Variants in THNSL1 observed in about 807,000 individuals in gnomAD.
THNSL1 encodes the protein threonine synthase like 1.
In THNSL1, 48 loss-of-function variants were observed where a neutral mutation model predicts 50.4. The observed-to-expected ratio is 0.95, with a 90% CI of 0.76 to 1.21. The LOEUF (loss-of-function observed/expected upper bound fraction) is 1.21, where lower values mean the gene tolerates loss of function less well. Ranked by LOEUF, THNSL1 falls within the 50% of genes most tolerant of loss-of-function variation. The probability of loss-of-function intolerance (pLI) is 0.00; values close to 1 mark genes in which losing one functional copy is unlikely to be tolerated. For synonymous variants in THNSL1, 309 were observed against 306.1 expected (o/e 1.01, Z -0.10); for missense variants, 896 against 871.7 (o/e 1.03, Z -0.35).
chr10:25,017,150 G>A (rs1257677877), intron 1 of THNSL1, among the ~76,000 whole-genome samples: 2 of 152,236 alleles, frequency 1.3e-5, no homozygotes, highest in Non-Finnish European at 1.5e-5. Context: ...CTTTGTAAAT[G>A]AGCAGCCTAA....
At chr10:25,015,797 C>T (rs1268490667), upstream of THNSL1, 15 of 1,415,214 alleles carry the variant, frequency 1.1e-5, no homozygotes, top group Non-Finnish European at 1.3e-5. Context: ...TATATGTATG[C>T]TTAATTAATA....
In THNSL1 at chr10:25,025,335, G is replaced by A; in HGVS notation, c.2112G>A (p.Leu704=). 6.2e-7 allele frequency: 1 copy of A among 1,614,162 alleles called. No individual in the cohort carries two copies. The highest frequency in any genetic ancestry group is 8.5e-7 in the Non-Finnish European group (1 of 1,180,030). ...GTTCATACAATGCATTACCTCCACT[G>A]CATGAGGCTTTATTAGAGAGAACAA... ...LLGSYNALPP[L]HEALLERTKQ... The change falls in exon 3 of 3, where the codon CTG becomes CTA. Residue 704 remains leucine, a synonymous_variant. Transcript: ENST00000376356.
upstream of THNSL1, among the ~76,000 whole-genome samples, chr10:25,014,120 C>T (rs189806016): frequency 1.3e-5 from 2 of 152,168 alleles, no homozygotes; most frequent in East Asian, 3.9e-4. Flanking sequence ...GCCTTTCATC[C>T]GATTTTGGTC....
chr10:25,025,147 C>T lies in THNSL1; in HGVS notation c.1924C>T (p.His642Tyr). ...YNTSGYILDPHTAVAKVVADR... is the reference protein window; with the variant it reads ...YNTSGYILDPYTAVAKVVADR... ...TACTTCAGGGTATATTTTGGATCCACACACTGCTGTTGCAAAAGTGGTTGC... is the reference window on the plus strand; with the variant it reads ...TACTTCAGGGTATATTTTGGATCCATACACTGCTGTTGCAAAAGTGGTTGC... Residue 642 changes from histidine (H) to tyrosine (Y), a missense_variant, in exon 3 of 3, where the codon CAC (histidine) becomes TAC (tyrosine). Physicochemically the swap from His to Tyr is moderately conservative, Grantham distance 83. Coordinates refer to ENST00000376356, the MANE Select transcript of THNSL1 (RefSeq NM_024838.5). 1 of 1,614,196 alleles carries T rather than the reference C, an allele frequency of 6.2e-7. No homozygotes were observed. The highest frequency in any genetic ancestry group is 1.1e-5 in the South Asian group (1 of 91,084).
intron 1 of THNSL1, chr10:25,016,935 C>T (rs77711037): frequency 0.03 from 4,595 of 152,582 alleles, 94 homozygotes; most frequent in Non-Finnish European, 0.045. Context: ...CTGGTCGAGG[C>T]TCCTCGGAAC....
In THNSL1 at chr10:25,025,499, TAATA is replaced by T. The variant is rs1005868612; in HGVS notation, c.*48_*51del. On this transcript the variant is annotated 3_prime_UTR_variant, in exon 3 of 3. Coordinates refer to ENST00000376356, the MANE Select transcript of THNSL1 (RefSeq NM_024838.5). ...TTTTTTTCTAGCTATAAGCATGCAATAATAAATCTCAAACACTGATTTGGAGTAC... is the reference window on the plus strand; with the variant it reads ...TTTTTTTCTAGCTATAAGCATGCAATAATCTCAAACACTGATTTGGAGTAC... 13 of 1,531,048 alleles carry T rather than the reference TAATA, an allele frequency of 8.5e-6. No homozygotes were observed. Among genetic ancestry groups the T allele is most frequent in the Admixed American group, 2.1e-5 (1 of 48,184 alleles). The allele number at this position is 1,531,048 out of a possible 1,614,324, so 94.8% of individuals were successfully genotyped here.
In THNSL1 at chr10:25,017,636, G is replaced by A. The variant is rs1030945133; in HGVS notation, c.-216+944G>A. On this transcript the variant is annotated intron_variant, in intron 1 of 2. Coordinates refer to ENST00000376356, the MANE Select transcript of THNSL1 (RefSeq NM_024838.5). Reference sequence around the variant, plus strand: ...TTAAGTTTTTCTTTTTTTTTTTTTTGTATACAGTTGATTTTAATTTTTGTC... The same window carrying A: ...TTAAGTTTTTCTTTTTTTTTTTTTTATATACAGTTGATTTTAATTTTTGTC... 3.3e-5 allele frequency among the ~76,000 whole-genome samples: 3 copies of A among 90,494 alleles called. No homozygotes were observed. In the East Asian group the frequency reaches 9.3e-4, roughly 28 times the overall value. 59.4% of individuals were successfully genotyped at this position (90,494 alleles called of 152,430 possible). A position where few individuals can be genotyped will look rare whatever the true frequency, so the allele number is the denominator to read the frequency against.
At chr10:24,953,883 C>T in the THNSL1 span, among the ~76,000 whole-genome samples, 3 of 152,320 alleles carry the variant, frequency 2.0e-5, no homozygotes, top group South Asian at 6.2e-4. Flanking sequence ...GCAGGGCTGG[C>T]TCTTCATGTC....
the THNSL1 span, among the ~76,000 whole-genome samples, chr10:24,993,621 A>G: frequency 4.6e-5 from 7 of 152,252 alleles, no homozygotes; most frequent in East Asian, 9.6e-4. Context: ...TCACCTACCA[A>G]TGATAGATCT....
the THNSL1 span, among the ~76,000 whole-genome samples, chr10:24,991,618 C>A: frequency 2.0e-4 from 30 of 152,172 alleles, no homozygotes; most frequent in Non-Finnish European, 4.1e-4. Context: ...AGCTGCCCGG[C>A]TCCAGGGAAA....
intron 2 of THNSL1, 107 bp downstream of exon 2, chr10:25,022,015 A>G (rs1460819060): frequency 6.6e-6 from 1 of 152,204 alleles, no homozygotes; most frequent in African/African-American, 2.4e-5. Flanking sequence ...TTTTCAGAAC[A>G]TATTTTAACA....
the THNSL1 span, among the ~76,000 whole-genome samples, chr10:24,962,196 G>A: frequency 3.4e-4 from 51 of 152,236 alleles, no homozygotes; most frequent in East Asian, 6.6e-3. Context: ...TATGTCTTGC[G>A]TTATCAACTC....
In THNSL1 at chr10:25,023,777, TA is replaced by T. The variant is rs1233958148; in HGVS notation, c.555del (p.Leu185PhefsTer28). 7 of 1,613,924 alleles carry T rather than the reference TA, an allele frequency of 4.3e-6. No individual in the cohort carries two copies. The highest frequency in any genetic ancestry group is 5.1e-6 in the Non-Finnish European group (6 of 1,179,988). The stretch of plus-strand genomic sequence containing the variant: ...AATTCTGGAACATCTATGAAAGACT[TA>T]CTTAAATTTAGAAGACAGTATTATA... ...GQNSGTSMKD[L>X]LKFRRQYYKK... is the part of the protein sequence containing the mutation. On this transcript the variant is annotated frameshift_variant, in exon 3 of 3. Coordinates refer to ENST00000376356, the MANE Select transcript of THNSL1 (RefSeq NM_024838.5). LOFTEE classifies it high-confidence loss of function.
chr10:25,013,701 G>GGGA (rs1455129333), upstream of THNSL1, among the ~76,000 whole-genome samples: 1 of 152,212 alleles, frequency 6.6e-6, no homozygotes, highest in Non-Finnish European at 1.5e-5. Context: ...ATAGCACTTT[G>GGGA]GGAGGCAGAG....
At chr10:25,019,652 A>T (rs1850678593) in intron 1 of THNSL1, among the ~76,000 whole-genome samples, 1 of 152,234 alleles carries the variant, frequency 6.6e-6, no homozygotes. Context: ...ACCATTTTAT[A>T]TAAAGGACTT....
At chr10:24,988,257 T>C in the THNSL1 span, among the ~76,000 whole-genome samples, 1 of 140,408 alleles carries the variant, frequency 7.1e-6, no homozygotes, top group African/African-American at 2.8e-5. Context: ...TATATGTGTA[T>C]ATATATATTT....
chr10:24,990,655 T>C, the THNSL1 span: 1 of 1,545,550 alleles, frequency 6.5e-7, no homozygotes, highest in Non-Finnish European at 8.8e-7. Context: ...TTGTATGCAA[T>C]CTTACATATG....
chr10:25,020,380 A>G (rs1850695989), intron 1 of THNSL1, among the ~76,000 whole-genome samples: 1 of 152,140 alleles, frequency 6.6e-6, no homozygotes, highest in Non-Finnish European at 1.5e-5. Flanking sequence ...TGCAAAACAT[A>G]AGGTGAAGGT....
the THNSL1 span, among the ~76,000 whole-genome samples, chr10:24,961,274 T>C: frequency 6.6e-6 from 1 of 152,228 alleles, no homozygotes; most frequent in African/African-American, 2.4e-5. Flanking sequence ...TGTTTTTCCA[T>C]AGTATAATAA....
Sources: allele counts gnomAD v4.1 joint callset (sites outside exome capture counted in the v4.1 genomes callset), GRCh38; gene constraint gnomAD v4.1.1; transcripts MANE v1.5; gene names NCBI Gene and HGNC (gene_info 2026-07-23, HGNC 2026-07-21).